The following DNAAF9 variants were observed in gnomAD, a reference collection of about 807,000 sequenced individuals.
DNAAF9 encodes shulin.
DNAAF9 carries 90 observed loss-of-function variants against 167.0 expected under a neutral mutation model. The ratio of observed to expected loss-of-function variants is 0.54; its 90% confidence interval spans 0.45 to 0.64. The LOEUF (loss-of-function observed/expected upper bound fraction) is 0.64, where lower values mean the gene tolerates loss of function less well. DNAAF9 is among the 30% of genes least tolerant of loss of function. DNAAF9 has a pLI of 0.00. For missense variants in DNAAF9, 1,315 were observed against 1,442.2 expected (o/e 0.91, Z 1.43); for synonymous variants, 491 against 508.8 (o/e 0.96, Z 0.47).
chr20:3,340,460 T>A, intron 10 of DNAAF9, 44 bp downstream of exon 10: 1 of 211,872 alleles, frequency 4.7e-6, no homozygotes. Flanking sequence ...CCCCCACAAC[T>A]TGATAATAAA....
intron 36 of DNAAF9, among the ~76,000 whole-genome samples, chr20:3,252,924 TATCC>T (rs1315234796): frequency 6.6e-6 from 1 of 152,246 alleles, no homozygotes; most frequent in African/African-American, 2.4e-5. Context: ...GCTTCAGCCC[TATCC>T]ATCTTTTCAC....
In DNAAF9 at chr20:3,407,528, C is replaced by T. The variant is rs1188567773; in HGVS notation, c.30G>A (p.Gly10=). 7.9e-6 allele frequency: 10 copies of T among 1,260,696 alleles called. No homozygotes were observed. The highest frequency in any genetic ancestry group is 9.9e-6 in the Non-Finnish European group (10 of 1,006,878). The allele number at this position is 1,260,696 out of a possible 1,614,324, so 78.1% of individuals were successfully genotyped here. ...CGCCAGGGGACCGAGCGCGGGGCAG[C>T]CCCTGCCGGCGCGGGGGGTACACGT... MDVYPPRRQ[G]LPRARSPGGS... is the part of the protein sequence containing the mutation. Residue 10 remains glycine (G), a synonymous_variant, in exon 1 of 37, where the codon GGG becomes GGA. Transcript: ENST00000252032.
intron 20 of DNAAF9, among the ~76,000 whole-genome samples, chr20:3,311,792 G>A (rs929080784): frequency 1.3e-5 from 2 of 152,182 alleles, no homozygotes; most frequent in African/African-American, 4.8e-5. Context: ...GCAGGTTCCT[G>A]AGGATTAGGT....
intron 35 of DNAAF9, 86 bp from the exon 36 acceptor site, chr20:3,253,905 A>T: frequency 3.7e-6 from 3 of 801,894 alleles, no homozygotes; most frequent in Non-Finnish European, 6.4e-6. Context: ...CTATTTCCCT[A>T]GCAAGATAGA....
chr20:3,375,201 G>C, intron 4 of DNAAF9, 75 bp from the exon 5 acceptor site: 1 of 930,754 alleles, frequency 1.1e-6, no homozygotes, highest in Non-Finnish European at 1.7e-6. Flanking sequence ...TCTGCATTTT[G>C]TCAACCAGAG....
intron 31 of DNAAF9, among the ~76,000 whole-genome samples, chr20:3,261,499 C>T (rs1429934629): frequency 6.6e-6 from 1 of 151,782 alleles, no homozygotes; most frequent in Non-Finnish European, 1.5e-5. Context: ...TCCCGAGTAG[C>T]TGGGATTACA....
At chr20:3,328,869 CT>C (rs572740669) in intron 12 of DNAAF9, among the ~76,000 whole-genome samples, 14,094 of 136,664 alleles carry the variant, frequency 0.1, 562 homozygotes, top group African/African-American at 0.11. Flanking sequence ...CACAATTTTC[CT>C]TTTTTTTTTT....
intron 6 of DNAAF9, chr20:3,362,439 T>C (rs1419192611): frequency 2.4e-6 from 1 of 420,304 alleles, no homozygotes; most frequent in Non-Finnish European, 4.1e-6. Context: ...TTTGCTTTCT[T>C]ATTATTATTC....
At chr20:3,261,194 T>C (rs2068379778) in intron 31 of DNAAF9, among the ~76,000 whole-genome samples, 1 of 151,156 alleles carries the variant, frequency 6.6e-6, no homozygotes, top group African/African-American at 2.4e-5. Context: ...CATGCCACCA[T>C]GCCCAACTAC....
At chr20:3,370,738 G>T (rs1400853118) in intron 6 of DNAAF9, among the ~76,000 whole-genome samples, 9 of 151,914 alleles carry the variant, frequency 5.9e-5, no homozygotes, top group Non-Finnish European at 1.0e-4. Context: ...AAATTTTTTT[G>T]TTGCCAGGCT....
intron 12 of DNAAF9, among the ~76,000 whole-genome samples, chr20:3,327,222 T>C (rs2069726600): frequency 6.6e-6 from 1 of 152,142 alleles, no homozygotes; most frequent in Non-Finnish European, 1.5e-5. Flanking sequence ...GGATAATTCT[T>C]TGCTGTGGGG....
At chr20:3,287,919 G>C (rs1475842657) in intron 26 of DNAAF9, 129 bp from the exon 27 acceptor site, 2 of 804,574 alleles carry the variant, frequency 2.5e-6, no homozygotes, top group East Asian at 2.5e-5. Flanking sequence ...TCAGGAGAAA[G>C]CCATCTTGGC....
At chr20:3,308,341 CTTTTTTTTTTT>C (rs35610785) in intron 20 of DNAAF9, among the ~76,000 whole-genome samples, 2 of 105,436 alleles carry the variant, frequency 1.9e-5, no homozygotes, top group South Asian at 3.0e-4. Context: ...CAAAACTTTA[CTTTTTTTTTTT>C]TTTTTTTTGA....
At chr20:3,310,334 A>AAAGAAAGAAAG (rs2069385435) in intron 20 of DNAAF9, among the ~76,000 whole-genome samples, 1 of 3,750 alleles carries the variant, frequency 2.7e-4, no homozygotes, top group Non-Finnish European at 6.8e-4. Flanking sequence ...AGAGAAAGAA[A>AAAGAAAGAAAG]AAGAAAGAAA....
intron 29 of DNAAF9, among the ~76,000 whole-genome samples, chr20:3,278,481 G>A (rs113231722): frequency 2.6e-5 from 4 of 152,320 alleles, no homozygotes; most frequent in African/African-American, 9.6e-5. Flanking sequence ...AGCACTTTGG[G>A]AGGCCGAGGT....
Position 3,340,585 on chromosome 20 carries a change from C to A in DNAAF9, c.900G>T (p.Leu300=). ...AAGGGAAGTTAAAGTTGCCAGCATT[C>A]AGGTTTTCTCGTGTGGAGTGATTAC... ...LFGNHSTREN[L]NAGNFNFPSE... The change falls in exon 10 of 37, where the codon CTG becomes CTT. Residue 300 remains leucine, a synonymous_variant. Transcript: ENST00000252032. 1.2e-6 allele frequency: 2 copies of A among 1,613,908 alleles called. No homozygotes were observed. Among genetic ancestry groups the A allele is most frequent in the Non-Finnish European group, 1.7e-6 (2 of 1,179,850 alleles).
chr20:3,304,631 T>C (rs997505477), intron 20 of DNAAF9, 88 bp from the exon 21 acceptor site: 2 of 698,312 alleles, frequency 2.9e-6, no homozygotes, highest in Non-Finnish European at 5.2e-6. Context: ...GTGTGGTAAC[T>C]AGAGGCCAGT....
chr20:3,343,753 A>G, intron 8 of DNAAF9, 22 bp from the exon 9 acceptor site: 1 of 1,583,626 alleles, frequency 6.3e-7, no homozygotes, highest in Non-Finnish European at 8.7e-7. Flanking sequence ...CCAACATTGT[A>G]TATATTAAGA....
At chr20:3,321,470 TATG>T (rs1205681883) in intron 16 of DNAAF9, among the ~76,000 whole-genome samples, 14 of 152,246 alleles carry the variant, frequency 9.2e-5, no homozygotes, top group Non-Finnish European at 1.9e-4. Context: ...AATACAGTAT[TATG>T]ATATTATGGG....
Sources: allele counts gnomAD v4.1 joint callset (sites outside exome capture counted in the v4.1 genomes callset), GRCh38; gene constraint gnomAD v4.1.1; transcripts MANE v1.5; gene names NCBI Gene and HGNC (gene_info 2026-07-23, HGNC 2026-07-21).